ATN1: variants seen among roughly 807,000 people sequenced by gnomAD.
The protein encoded by ATN1 is atrophin-1.
A neutral mutation model predicts 85.8 loss-of-function variants in ATN1; 19 were observed. The observed-to-expected ratio is 0.22, with a 90% CI of 0.15 to 0.32. The LOEUF (loss-of-function observed/expected upper bound fraction) is 0.32. ATN1 is among the 10% of genes least tolerant of loss of function. ATN1 has a pLI of 1.00. For synonymous variants in ATN1, 674 were observed against 657.0 expected (o/e 1.03, Z -0.39); for missense variants, 1,453 against 1,564.5 (o/e 0.93, Z 1.20).
In ATN1 at chr12:6,935,530, T is replaced by C. The variant is rs1839191315; in HGVS notation, c.280-17T>C. The C allele has an allele frequency of 1.3e-6, 2 of 1,598,380 alleles. No homozygotes were observed. The highest frequency in any genetic ancestry group is 1.7e-6 in the Non-Finnish European group (2 of 1,170,632). ...AGGAAAGGAAAAGAGAAAAAATGAGTCTTCCCTTTTCTACAGCAGGAACTC... is the reference window on the plus strand; with the variant it reads ...AGGAAAGGAAAAGAGAAAAAATGAGCCTTCCCTTTTCTACAGCAGGAACTC... On this transcript the variant is annotated splice_polypyrimidine_tract_variant and intron_variant, in intron 4 of 9. Coordinates refer to ENST00000396684, the MANE Select transcript of ATN1 (RefSeq NM_001940.4). This position sits in a 1 kb window ranked among gnomAD's most constrained non-coding sequence, Gnocchi z 5.3.
chr12:6,941,608 G>C lies in ATN1; in HGVS notation c.3539+54G>C. On this transcript the variant is annotated intron_variant, in intron 9 of 9. Transcript: ENST00000396684. This position sits in a 1 kb window ranked among gnomAD's most constrained non-coding sequence, Gnocchi z 5.9. ...CATGGGCTCAGCGAGCCTGGGAGGA[G>C]CTGTGGGCATGGTACGGCTGGGCAC... 6.2e-7 allele frequency: 1 copy of C among 1,607,836 alleles called. No homozygotes were observed. The highest frequency in any genetic ancestry group is 1.1e-5 in the South Asian group (1 of 90,938).
chr12:6,937,185 G>C lies in ATN1; in HGVS notation c.1918G>C (p.Gly640Arg). 2 of 1,611,260 alleles carry C rather than the reference G, an allele frequency of 1.2e-6. No individual in the cohort carries two copies. The highest frequency in any genetic ancestry group is 1.7e-6 in the Non-Finnish European group (2 of 1,179,614). ...CTCCCCACCTGGGCCCCCACCGTAC[G>C]GAAAGAGAGCCCCGTCCCCGGGGGC... Reference protein sequence around the residue: ...TASPPGPPPYGKRAPSPGAYK... With the variant: ...TASPPGPPPYRKRAPSPGAYK... Residue 640 changes from glycine (G) to arginine (R), a missense_variant, in exon 5 of 10, where the codon GGA becomes CGA. By Grantham distance (125) the Gly-to-Arg change is moderately radical (BLOSUM62 -2). Around this residue, in one of 6 missense-constraint regions of ATN1, gnomAD observed 990 missense variants for 914.8 expected, o/e 1.08. Transcript: ENST00000396684. The surrounding 1 kb of genome is among the most constrained non-coding windows in gnomAD (Gnocchi z 6.0).
In ATN1 at chr12:6,937,725, TCA is replaced by T; in HGVS notation, c.2295-117_2295-116del. On this transcript the variant is annotated intron_variant, in intron 5 of 9. Coordinates refer to ENST00000396684, the MANE Select transcript of ATN1 (RefSeq NM_001940.4). The surrounding 1 kb of genome is among the most constrained non-coding windows in gnomAD (Gnocchi z 6.0). ...AGTGGCCAGTGAGGCCCGCAGCAGC[TCA>T]CAGCCTGCAGGGGTGGTTTTGAGGC... The T allele has an allele frequency of 6.9e-7, 1 of 1,449,502 alleles. No individual in the cohort carries two copies. Among genetic ancestry groups the T allele is most frequent in the Non-Finnish European group, 9.1e-7 (1 of 1,104,580 alleles). The allele number at this position is 1,449,502 out of a possible 1,614,324, so 89.8% of individuals were successfully genotyped here. A position where few individuals can be genotyped will look rare whatever the true frequency, so the allele number is the denominator to read the frequency against.
At position 6,941,309 on chromosome 12, in the gene ATN1, C is replaced by T. The variant is rs1945631337; in HGVS notation, c.3359-65C>T. 15 of 1,509,424 alleles carry T rather than the reference C, an allele frequency of 9.9e-6. No individual in the cohort carries two copies. The South Asian group carries it at 1.2e-4, about 12-fold the overall frequency. The allele number at this position is 1,509,424 out of a possible 1,614,324, so 93.5% of individuals were successfully genotyped here. ...CTTTGTATGTAAAGGAGCTGGCTAT[C>T]CCCTGGTCCAGAGCAGGTACTTGTT... On this transcript the variant is annotated intron_variant, in intron 8 of 9. Coordinates refer to ENST00000396684, the MANE Select transcript of ATN1 (RefSeq NM_001940.4). This position sits in a 1 kb window ranked among gnomAD's most constrained non-coding sequence, Gnocchi z 5.9.
chr12:6,930,998 G>C (rs1270896245), intron 1 of ATN1, among the ~76,000 whole-genome samples: 7 of 152,072 alleles, frequency 4.6e-5, no homozygotes, highest in African/African-American at 1.7e-4. Flanking sequence ...TTCCTCGTCT[G>C]CCACTCCTTA....
intron 1 of ATN1, among the ~76,000 whole-genome samples, chr12:6,931,730 G>A (rs1310015781): frequency 1.4e-4 from 17 of 122,990 alleles, no homozygotes; most frequent in African/African-American, 2.2e-4. Flanking sequence ...AAAAAAAAAA[G>A]GAAAAAAAAA....
rs781837266 is a variant in ATN1, at chr12:6,938,850, G to A, written c.2887G>A (p.Val963Ile). The change falls in exon 7 of 10, where the codon GTC becomes ATC. Residue 963 changes from valine to isoleucine, a missense_variant. Around this residue, in one of 6 missense-constraint regions of ATN1, gnomAD observed 208 missense variants for 263.4 expected, o/e 0.79. Transcript: ENST00000396684. ...TAGTGAGCTGGAACCCCTACATGGG[G>A]TCCCTGGGCCGGGCTTGGATCCCTT... ...KPSELEPLHG[V>I]PGPGLDPFPR... 10 of 1,614,026 alleles carry A rather than the reference G, an allele frequency of 6.2e-6. No homozygotes were observed. In the South Asian group the frequency reaches 1.1e-4, roughly 18 times the overall value.
At chr12:6,925,141 T>TGTGTGAGA (rs1445451270), upstream of ATN1, among the ~76,000 whole-genome samples, 48 of 147,658 alleles carry the variant, frequency 3.3e-4, no homozygotes, top group African/African-American at 1.1e-3. Context: ...TGTGTGTGTG[T>TGTGTGAGA]GAGAGAGAGA....
rs201055769 is a variant in ATN1, at chr12:6,934,625, T to C, written c.279+47T>C. ...CCTGACCCATCTTGTGACCATTCTT[T>C]TCTCAGACTTGCTTATGCTCACTAT... On this transcript the variant is annotated intron_variant, in intron 4 of 9. Transcript: ENST00000396684. This position sits in a 1 kb window ranked among gnomAD's most constrained non-coding sequence, Gnocchi z 4.5. The C allele has an allele frequency of 4.4e-6, 6 of 1,377,476 alleles. No individual in the cohort carries two copies. Among genetic ancestry groups the C allele is most frequent in the African/African-American group, 4.3e-5 (3 of 69,540 alleles). 85.3% of individuals were successfully genotyped at this position (1,377,476 alleles called of 1,614,324 possible).
chr12:6,937,339 C>G lies in ATN1; in HGVS notation c.2072C>G (p.Thr691Ser). ...GGGACCTTCAAGCCGGGCTCGCCCA[C>G]CGTGGGACCTGGGCCCCTGCCACCT... is the stretch of plus-strand genomic sequence containing the variant. ...GPGTFKPGSP[T>S]VGPGPLPPAG... Residue 691 changes from threonine to serine, a missense_variant, in exon 5 of 10, where the codon ACC becomes AGC. Physicochemically the swap from Thr to Ser is moderately conservative, Grantham distance 58. Coordinates refer to ENST00000396684, the MANE Select transcript of ATN1 (RefSeq NM_001940.4). The surrounding 1 kb of genome is among the most constrained non-coding windows in gnomAD (Gnocchi z 6.0). 6.4e-7 allele frequency: 1 copy of G among 1,557,000 alleles called. No individual in the cohort carries two copies. Among genetic ancestry groups the G allele is most frequent in the Non-Finnish European group, 8.7e-7 (1 of 1,152,110 alleles).
Position 6,935,978 on chromosome 12 carries a change from G to C in ATN1, c.711G>C (p.Gly237=). 1.3e-6 allele frequency: 2 copies of C among 1,589,116 alleles called. No homozygotes were observed. The highest frequency in any genetic ancestry group is 1.7e-6 in the Non-Finnish European group (2 of 1,167,342). ...VLSGPPMGPK[G]GGAASSVGGP... is the part of the protein sequence containing the mutation. ...CTGGACCCCCAATGGGTCCCAAGGG[G>C]GGAGGGGCTGCCTCATCAGTGGGGG... is the stretch of plus-strand genomic sequence containing the variant. Residue 237 remains glycine (G), a synonymous_variant, in exon 5 of 10, where the codon GGG becomes GGC. Transcript: ENST00000396684. This position sits in a 1 kb window ranked among gnomAD's most constrained non-coding sequence, Gnocchi z 5.3.
At position 6,934,365 on chromosome 12, in the gene ATN1, G is replaced by GGT. The variant is rs782132439; in HGVS notation, c.165+63_165+64dup. On this transcript the variant is annotated intron_variant, in intron 3 of 9. Coordinates refer to ENST00000396684, the MANE Select transcript of ATN1 (RefSeq NM_001940.4). This position sits in a 1 kb window ranked among gnomAD's most constrained non-coding sequence, Gnocchi z 4.5. ...GGATGCCCAAGGCACTGGGGCTGAG[G>GGT]GTGTGTGTGTGTTGTGGGGGAACTT... The GGT allele has an allele frequency of 2.8e-5, 45 of 1,592,160 alleles. 1 individual carries two copies. Among genetic ancestry groups the GGT allele is most frequent in the Middle Eastern group, 2.0e-4 (1 of 5,048 alleles).
At chr12:6,928,644 C>T (rs1189061114) in intron 1 of ATN1, among the ~76,000 whole-genome samples, 1 of 152,150 alleles carries the variant, frequency 6.6e-6, no homozygotes, top group Non-Finnish European at 1.5e-5. Flanking sequence ...GGGAGGGTCT[C>T]CGGAGGAGGC....
At position 6,937,618 on chromosome 12, in the gene ATN1, G is replaced by A. The variant is rs1248740420; in HGVS notation, c.2294+57G>A. The A allele has an allele frequency of 2.0e-5, 29 of 1,448,280 alleles. No individual in the cohort carries two copies. In the East Asian group the frequency reaches 7.0e-4, roughly 35 times the overall value. 89.7% of individuals were successfully genotyped at this position (1,448,280 alleles called of 1,614,324 possible). ...GGAAAGGGGACGACGACAAGGCGGC[G>A]ACGAGAGAGGGAGTAGCAGGGAGGG... On this transcript the variant is annotated intron_variant, in intron 5 of 9. Coordinates refer to ENST00000396684, the MANE Select transcript of ATN1 (RefSeq NM_001940.4). This position sits in a 1 kb window ranked among gnomAD's most constrained non-coding sequence, Gnocchi z 6.0.
At chr12:6,940,775 T>C (rs1945623155) in intron 7 of ATN1, 105 bp from the exon 8 acceptor site, 1 of 1,428,716 alleles carries the variant, frequency 7.0e-7, no homozygotes, top group Non-Finnish European at 9.8e-7. Flanking sequence ...TTGGACCTCC[T>C]TGTGTTTGTC....
In ATN1 at chr12:6,938,503, C is replaced by G; in HGVS notation, c.2540C>G (p.Ala847Gly). ...CAGAAGTTGGCTCAGGAGGGCCGTG[C>G]TCCGGTGGAATGCCCATCTCTGGGC... is the stretch of plus-strand genomic sequence containing the variant. ...RSVKLAQEGR[A>G]PVECPSLGPV... is the part of the protein sequence containing the mutation. Residue 847 changes from alanine to glycine, a missense_variant, in exon 7 of 10, where the codon GCT becomes GGT. Physicochemically the swap from Ala to Gly is moderately conservative, Grantham distance 60 (BLOSUM62 0). Transcript: ENST00000396684. 6.2e-7 allele frequency: 1 copy of G among 1,609,856 alleles called. No homozygotes were observed.
rs782801627 is a variant in ATN1, at chr12:6,935,711, T to C, written c.444T>C (p.Ser148=). Residue 148 remains serine (S), a synonymous_variant, in exon 5 of 10, where the codon TCT becomes TCC. Transcript: ENST00000396684. This position sits in a 1 kb window ranked among gnomAD's most constrained non-coding sequence, Gnocchi z 5.3. ...GTGTGGAGAATGACTCTGACTCATC[T>C]TCTGGCCTGTCCCAGGGCCCAGCCC... ...PGSVENDSDS[S]SGLSQGPARP... 19 of 1,613,988 alleles carry C rather than the reference T, an allele frequency of 1.2e-5. No individual in the cohort carries two copies. In the South Asian group the frequency reaches 1.5e-4, roughly 13 times the overall value.
chr12:6,931,645 C>T (rs1273523863), intron 1 of ATN1, among the ~76,000 whole-genome samples: 4 of 142,948 alleles, frequency 2.8e-5, no homozygotes, highest in Admixed American at 1.5e-4. Context: ...ACCTGGGAGG[C>T]GGAGGTGGCA....
upstream of ATN1, among the ~76,000 whole-genome samples, chr12:6,925,451 C>G (rs782173244): frequency 6.6e-6 from 1 of 151,970 alleles, no homozygotes; most frequent in Admixed American, 6.6e-5. Context: ...AAAGGGGGAG[C>G]CCTGGAACAA....
Sources: gnomAD v4.1 joint callset for allele counts (sites outside exome capture counted in the v4.1 genomes callset) on GRCh38, gnomAD v4.1.1 for gene constraint, gnomAD v4.1.1 regional missense constraint, Gnocchi (gnomAD v3.1) non-coding constraint, MANE v1.5 for transcripts, NCBI Gene and HGNC (gene_info 2026-07-23, HGNC 2026-07-21) for gene names.